Variants in KAT14 observed in about 807,000 individuals in gnomAD.
KAT14 encodes cysteine-rich protein 2-binding protein.
KAT14 carries 66 observed loss-of-function variants against 78.4 expected under a neutral mutation model. The ratio of observed to expected loss-of-function variants is 0.84; its 90% confidence interval spans 0.69 to 1.03. The LOEUF is 1.03. KAT14 is among the 50% of genes least tolerant of loss of function. The pLI, the probability that KAT14 is intolerant of heterozygous loss-of-function variation, is 0.00. For synonymous variants in KAT14, 344 were observed against 359.4 expected, an observed-to-expected ratio of 0.96 and a Z score of 0.48; for missense variants, 870 against 972.5, an observed-to-expected ratio of 0.89 and a Z score of 1.40.
intron 4 of KAT14, among the ~76,000 whole-genome samples, chr20:18,153,157 A>C (rs1464769483): frequency 6.6e-6 from 1 of 152,182 alleles, no homozygotes; most frequent in Non-Finnish European, 1.5e-5. Flanking sequence ...CTTGGGGTTC[A>C]CTGCAGCCTC....
intron 4 of KAT14, among the ~76,000 whole-genome samples, chr20:18,157,661 A>G (rs2038272580): frequency 6.6e-6 from 1 of 152,132 alleles, no homozygotes; most frequent in African/African-American, 2.4e-5. Flanking sequence ...TGTGTCTATG[A>G]ATTTGACTAC....
rs1317692174 is a variant in KAT14, at chr20:18,150,909, T to C, written c.467T>C (p.Ile156Thr). ...FRWKEDICAF[I>T]EKHWTFLLGN... ...TGGAAAGAAGATATCTGTGCTTTTA[T>C]TGAGAAACATTGGACTTTTTTACTA... is the stretch of plus-strand genomic sequence containing the variant. The change falls in exon 4 of 11, where the codon ATT becomes ACT. Residue 156 changes from isoleucine (I) to threonine (T), a missense_variant. Ile to Thr is a moderately conservative substitution (Grantham distance 89). Transcript: ENST00000688188. The C allele has an allele frequency of 4.3e-6, 7 of 1,614,082 alleles. No homozygotes were observed. The highest frequency in any genetic ancestry group is 5.1e-6 in the Non-Finnish European group (6 of 1,180,022).
In KAT14 at chr20:18,162,624, GAAGGACAC is replaced by G; in HGVS notation, c.1350_1357del (p.Asp451AlafsTer50). On this transcript the variant is annotated frameshift_variant, in exon 7 of 11. Transcript: ENST00000688188. LOFTEE classifies it high-confidence loss of function. ...GAGAAAAGAGGAAGCCTCAGCTGGAGAAGGACACAAAGCCGAAAGAGCCCAGGTATACT... is the reference window on the plus strand; with the variant it reads ...GAGAAAAGAGGAAGCCTCAGCTGGAGAAAGCCGAAAGAGCCCAGGTATACT... The G allele has an allele frequency of 6.2e-7, 1 of 1,614,196 alleles. No individual in the cohort carries two copies.
At chr20:18,185,621 C>T (rs1222543283) in intron 10 of KAT14, among the ~76,000 whole-genome samples, 2 of 152,114 alleles carry the variant, frequency 1.3e-5, no homozygotes, top group East Asian at 3.9e-4. Flanking sequence ...ATTTGTATCA[C>T]CTTTGAAGAA....
In KAT14 at chr20:18,138,953, A is replaced by G. The variant is rs181225490; in HGVS notation, c.-454+902A>G. Among the ~76,000 whole-genome samples, 1,092 of 152,324 alleles carry G rather than the reference A, an allele frequency of 7.2e-3. 8 individuals carry two copies. Among genetic ancestry groups the G allele is most frequent in the Non-Finnish European group, 9.8e-3 (667 of 68,032 alleles). On this transcript the variant is annotated intron_variant, in intron 1 of 10. Coordinates refer to ENST00000688188, the MANE Select transcript of KAT14 (RefSeq NM_001392073.1). Reference sequence around the variant, plus strand: ...GTGAATTTTCAGAAAACAACTTGGCAGTGATTGGGGTTGAACCTAGTTCAC... The same window carrying G: ...GTGAATTTTCAGAAAACAACTTGGCGGTGATTGGGGTTGAACCTAGTTCAC...
At chr20:18,138,116 GTC>G (rs1481875683) in intron 1 of KAT14, 65 bp downstream of exon 1, 1 of 1,408,584 alleles carries the variant, frequency 7.1e-7, no homozygotes, top group Non-Finnish European at 9.2e-7. Flanking sequence ...GCCTCTCGTG[GTC>G]TCTGCCCGCT....
In KAT14 at chr20:18,142,419, G is replaced by A. The variant is rs534345759; in HGVS notation, c.-242G>A. 130 of 1,483,054 alleles carry A rather than the reference G, an allele frequency of 8.8e-5. No homozygotes were observed. The African/African-American group carries it at 1.7e-3, about 19-fold the overall frequency. 91.9% of individuals were successfully genotyped at this position (1,483,054 alleles called of 1,614,324 possible). A position where few individuals can be genotyped will look rare whatever the true frequency, so the allele number is the denominator to read the frequency against. ...GTTTGTGTGTGTGTGTTGATGGAGA[G>A]TAGCTTAGTAGTATCTTCATCTTTT... On this transcript the variant is annotated 5_prime_UTR_variant, in exon 2 of 11. Coordinates refer to ENST00000688188, the MANE Select transcript of KAT14 (RefSeq NM_001392073.1).
chr20:18,142,565 C>G lies in KAT14; in HGVS notation c.-96C>G, dbSNP rs2037626853. 14 of 1,542,748 alleles carry G rather than the reference C, an allele frequency of 9.1e-6. No homozygotes were observed. The highest frequency in any genetic ancestry group is 1.2e-5 in the Non-Finnish European group (14 of 1,143,244). ...GTGGGCAGACACTTTTTGGAAGAGT[C>G]TGTCTGGGTGATCCTGGTAGAAGCC... is the stretch of plus-strand genomic sequence containing the variant. On this transcript the variant is annotated 5_prime_UTR_variant, in exon 2 of 11. Coordinates refer to ENST00000688188, the MANE Select transcript of KAT14 (RefSeq NM_001392073.1).
Position 18,162,864 on chromosome 20 carries a change from A to G in KAT14, c.1587A>G (p.Glu529=), listed in dbSNP as rs199856085. Residue 529 remains glutamate, a synonymous_variant, in exon 7 of 11, where the codon GAA becomes GAG. Coordinates refer to ENST00000688188, the MANE Select transcript of KAT14 (RefSeq NM_001392073.1). ...TTGACGGGATTTATGGAGCCAAAGAAGGAGGAATTTCCAGACTTCCAGCTG... is the reference window on the plus strand; with the variant it reads ...TTGACGGGATTTATGGAGCCAAAGAGGGAGGAATTTCCAGACTTCCAGCTG... ...LLVDGIYGAK[E]GGISRLPAGQ... 5.2e-5 allele frequency: 84 copies of G among 1,614,092 alleles called. No homozygotes were observed. Among genetic ancestry groups the G allele is most frequent in the Non-Finnish European group, 6.8e-5 (80 of 1,180,050 alleles).
Position 18,138,145 on chromosome 20 carries a change from C to T in KAT14, c.-454+94C>T, listed in dbSNP as rs967747903. 8.9e-6 allele frequency: 12 copies of T among 1,343,868 alleles called. No homozygotes were observed. In the African/African-American group the frequency reaches 1.7e-4, roughly 19 times the overall value. 83.2% of individuals were successfully genotyped at this position (1,343,868 alleles called of 1,614,324 possible). A position where few individuals can be genotyped will look rare whatever the true frequency, so the allele number is the denominator to read the frequency against. Reference sequence around the variant, plus strand: ...CTGCCCGCTCGGTTCCTCAGCTCCTCTTCGTGTCTTTCCCCCGCGGTGGCG... The same window carrying T: ...CTGCCCGCTCGGTTCCTCAGCTCCTTTTCGTGTCTTTCCCCCGCGGTGGCG... On this transcript the variant is annotated intron_variant, in intron 1 of 10. Coordinates refer to ENST00000688188, the MANE Select transcript of KAT14 (RefSeq NM_001392073.1).
chr20:18,142,726 G>C lies in KAT14; in HGVS notation c.66G>C (p.Ser22=). Residue 22 remains serine, a synonymous_variant, in exon 2 of 11, where the codon TCG becomes TCC. Coordinates refer to ENST00000688188, the MANE Select transcript of KAT14 (RefSeq NM_001392073.1). ...SRHDDEATRT[S]TSEGLEEGEV... is the part of the protein sequence containing the mutation. Reference sequence around the variant, plus strand: ...ATGATGACGAAGCCACGAGAACATCGACCTCAGAAGGACTGGAGGAAGGTG... The same window carrying C: ...ATGATGACGAAGCCACGAGAACATCCACCTCAGAAGGACTGGAGGAAGGTG... 1 of 1,614,152 alleles carries C rather than the reference G, an allele frequency of 6.2e-7. No homozygotes were observed. Among genetic ancestry groups the C allele is most frequent in the Non-Finnish European group, 8.5e-7 (1 of 1,180,038 alleles).
intron 5 of KAT14, among the ~76,000 whole-genome samples, chr20:18,161,165 A>G (rs2038406147): frequency 6.6e-6 from 1 of 151,110 alleles, no homozygotes; most frequent in Admixed American, 6.6e-5. Flanking sequence ...ACAGAGCAAG[A>G]CCCTGTCTCA....
chr20:18,140,844 A>C (rs1394941734), intron 1 of KAT14, among the ~76,000 whole-genome samples: 1 of 148,616 alleles, frequency 6.7e-6, no homozygotes, highest in African/African-American at 2.5e-5. Flanking sequence ...AAACCAATAA[A>C]ACAAAACAAA....
In KAT14 at chr20:18,162,692, A is replaced by C; in HGVS notation, c.1415A>C (p.Lys472Thr). ...ATCTACGAGGAAAAGCTGCTGCTCAAGAGGCTGGAAGCTTGTCCCGGTGCT... is the reference window on the plus strand; with the variant it reads ...ATCTACGAGGAAAAGCTGCTGCTCACGAGGCTGGAAGCTTGTCCCGGTGCT... ...VSIYEEKLLL[K>T]RLEACPGAVA... The change falls in exon 7 of 11, where the codon AAG becomes ACG. Residue 472 changes from lysine to threonine, a missense_variant. Transcript: ENST00000688188. 6.2e-7 allele frequency: 1 copy of C among 1,614,240 alleles called. No homozygotes were observed.
chr20:18,163,663 T>C (rs769064909), intron 7 of KAT14, among the ~76,000 whole-genome samples: 70 of 152,314 alleles, frequency 4.6e-4, no homozygotes, highest in Non-Finnish European at 9.4e-4. Flanking sequence ...AGTCTGCATG[T>C]TTTTCTCTCT....
Position 18,187,639 on chromosome 20 carries a change from C to G in KAT14, c.*180C>G. ...AAATGAGCAGTGAGCAGCCCTTTAG[C>G]AAAATCGCCCTCCAGTCCTTCCTGG... is the stretch of plus-strand genomic sequence containing the variant. On this transcript the variant is annotated 3_prime_UTR_variant, in exon 11 of 11. Coordinates refer to ENST00000688188, the MANE Select transcript of KAT14 (RefSeq NM_001392073.1). 1 of 937,350 alleles carries G rather than the reference C, an allele frequency of 1.1e-6. No individual in the cohort carries two copies. Among genetic ancestry groups the G allele is most frequent in the Non-Finnish European group, 1.5e-6 (1 of 660,778 alleles). The allele number at this position is 937,350 out of a possible 1,614,324, so 58.1% of individuals were successfully genotyped here.
At chr20:18,137,490 G>C (rs2037340176), upstream of KAT14, among the ~76,000 whole-genome samples, 1 of 152,166 alleles carries the variant, frequency 6.6e-6, no homozygotes, top group Non-Finnish European at 1.5e-5. Flanking sequence ...AGCAATGAGG[G>C]GGCTGCGTTT....
chr20:18,178,728 A>G (rs1463367057), intron 7 of KAT14, among the ~76,000 whole-genome samples: 1 of 149,546 alleles, frequency 6.7e-6, no homozygotes, highest in Non-Finnish European at 1.5e-5. Context: ...TTGAGTGGAG[A>G]CACAGAGCCA....
chr20:18,155,485 T>A (rs949407102), intron 4 of KAT14, among the ~76,000 whole-genome samples: 38 of 152,284 alleles, frequency 2.5e-4, no homozygotes, highest in African/African-American at 8.4e-4. Flanking sequence ...TACTGGGTAT[T>A]TGTGCTCTGA....
Sources: gnomAD v4.1 joint callset for allele counts (sites outside exome capture counted in the v4.1 genomes callset) on GRCh38, gnomAD v4.1.1 for gene constraint, MANE v1.5 for transcripts, NCBI Gene and HGNC (gene_info 2026-07-23, HGNC 2026-07-21) for gene names.